SERPINB12: variants seen among roughly 807,000 people sequenced by gnomAD.
The protein encoded by SERPINB12 is serpin B12.
A neutral mutation model predicts 41.1 loss-of-function variants in SERPINB12; 57 were observed. The observed-to-expected ratio is 1.39, with a 90% CI of 1.12 to 1.73. SERPINB12 has a LOEUF of 1.73. Ranked by LOEUF, SERPINB12 falls within the 40% of genes most tolerant of loss-of-function variation. The pLI, the probability that SERPINB12 is intolerant of heterozygous loss-of-function variation, is 0.00. For missense variants in SERPINB12, 536 were observed against 501.9 expected, an observed-to-expected ratio of 1.07 and a Z score of -0.65; for synonymous variants, 180 against 181.3, an observed-to-expected ratio of 0.99 and a Z score of 0.06.
the SERPINB12 span, among the ~76,000 whole-genome samples, chr18:63,526,539 T>G: frequency 6.6e-6 from 1 of 152,228 alleles, no homozygotes; most frequent in East Asian, 1.9e-4. Context: ...AATCATGACA[T>G]TAACTGTTTT....
At chr18:63,530,746 G>T in the SERPINB12 span, among the ~76,000 whole-genome samples, 1 of 152,122 alleles carries the variant, frequency 6.6e-6, no homozygotes, top group African/African-American at 2.4e-5. Flanking sequence ...GGATTTATAG[G>T]TGATAAGTAC....
chr18:63,553,664 C>T (rs539751324), intron 1 of SERPINB12, among the ~76,000 whole-genome samples: 32 of 152,274 alleles, frequency 2.1e-4, no homozygotes, highest in African/African-American at 7.5e-4. Flanking sequence ...TTTGATCAAA[C>T]ATTAACCTAA....
chr18:63,536,178 C>G, the SERPINB12 span, among the ~76,000 whole-genome samples: 9 of 151,758 alleles, frequency 5.9e-5, no homozygotes, highest in East Asian at 1.7e-3. Flanking sequence ...AAAAAAGAAA[C>G]AGTTCTTTCA....
chr18:63,559,602 G>T lies in SERPINB12; in HGVS notation c.328G>T (p.Gly110Ter), dbSNP rs138993761. ...QQAGSLNNES[G>*]LVSCYFGQLL... The stretch of plus-strand genomic sequence containing the variant: ...GGCTGGGTCCTTAAACAATGAGAGC[G>T]GACTGGTCAGCTGCTACTTTGGGCA... The change falls in exon 4 of 8, where the codon GGA (glycine) becomes TGA (stop). Residue 110 changes from glycine (G) to a stop codon, truncating the protein, a stop_gained. Transcript: ENST00000382768. LOFTEE classifies it high-confidence loss of function. 6 of 1,614,046 alleles carry T rather than the reference G, an allele frequency of 3.7e-6. No individual in the cohort carries two copies. Among genetic ancestry groups the T allele is most frequent in the East Asian group, 2.2e-5 (1 of 44,870 alleles).
At chr18:63,536,484 G>C in the SERPINB12 span, among the ~76,000 whole-genome samples, 1 of 152,082 alleles carries the variant, frequency 6.6e-6, no homozygotes, top group Non-Finnish European at 1.5e-5. Context: ...AATAAAACAA[G>C]GTGATTCCAC....
chr18:63,561,745 T>G (rs572752021), intron 5 of SERPINB12, among the ~76,000 whole-genome samples: 1 of 152,158 alleles, frequency 6.6e-6, no homozygotes, highest in Non-Finnish European at 1.5e-5. Context: ...TGCAGTAACA[T>G]GATGGAAATG....
the SERPINB12 span, among the ~76,000 whole-genome samples, chr18:63,528,379 TAA>T: frequency 2.2e-5 from 3 of 139,118 alleles, no homozygotes; most frequent in Admixed American, 1.5e-4. Flanking sequence ...TTTCATTTCT[TAA>T]TCTCTGAGAG....
the SERPINB12 span, among the ~76,000 whole-genome samples, chr18:63,523,065 CAGGGTCCTCTGGAACATCCCA>C: frequency 6.6e-6 from 1 of 151,694 alleles, no homozygotes; most frequent in African/African-American, 2.4e-5. Context: ...TGAGATGTTC[CAGGGTCCTCTGGAACATCCCA>C]AAGTTAGTTT....
chr18:63,559,224 C>T (rs757306441), intron 3 of SERPINB12, among the ~76,000 whole-genome samples: 2 of 151,860 alleles, frequency 1.3e-5, no homozygotes, highest in African/African-American at 2.4e-5. Flanking sequence ...CCTGCCTCAG[C>T]CTCCAGAGTA....
At chr18:63,534,576 G>A in the SERPINB12 span, among the ~76,000 whole-genome samples, 1 of 152,108 alleles carries the variant, frequency 6.6e-6, no homozygotes. Flanking sequence ...TTAATCTAGT[G>A]GAACGTGGAA....
chr18:63,551,937 C>G (rs558604885), intron 1 of SERPINB12, among the ~76,000 whole-genome samples: 1 of 152,300 alleles, frequency 6.6e-6, no homozygotes, highest in African/African-American at 2.4e-5. Context: ...GAGGCAATCA[C>G]TGAGACAAGT....
At chr18:63,532,502 A>G in the SERPINB12 span, among the ~76,000 whole-genome samples, 5 of 152,148 alleles carry the variant, frequency 3.3e-5, no homozygotes, top group African/African-American at 1.2e-4. Flanking sequence ...CTGATTAAGG[A>G]AGTGGGTATT....
chr18:63,565,614 T>C lies in SERPINB12; in HGVS notation c.873+2T>C, dbSNP rs140350508. 7 of 1,606,184 alleles carry C rather than the reference T, an allele frequency of 4.4e-6. No individual in the cohort carries two copies. In the African/African-American group the frequency reaches 8.1e-5, roughly 19 times the overall value. ...GATAACCTGAAGGGTCTGGAAGAGG[T>C]AAATCTTCATTTCCACATCTCTACA... On this transcript the variant is annotated splice_donor_variant, in intron 7 of 7. Coordinates refer to ENST00000382768, the MANE Select transcript of SERPINB12 (RefSeq NM_001307928.2). LOFTEE classifies it high-confidence loss of function.
chr18:63,529,425 G>T, the SERPINB12 span, among the ~76,000 whole-genome samples: 2 of 152,160 alleles, frequency 1.3e-5, no homozygotes, highest in African/African-American at 4.8e-5. Context: ...TTGTTATCAG[G>T]CATATGTGTG....
the SERPINB12 span, among the ~76,000 whole-genome samples, chr18:63,534,607 T>C: frequency 6.6e-6 from 1 of 151,764 alleles, no homozygotes; most frequent in Non-Finnish European, 1.5e-5. Flanking sequence ...ATTCACAAAC[T>C]TTTTTTTCTT....
chr18:63,562,051 A>G (rs77425796), intron 5 of SERPINB12, among the ~76,000 whole-genome samples: 3,859 of 152,290 alleles, frequency 0.025, 172 homozygotes, highest in African/African-American at 0.088. Context: ...CATGGTCTGA[A>G]CAGCATCAAA....
chr18:63,519,629 A>G, the SERPINB12 span, among the ~76,000 whole-genome samples: 1 of 152,124 alleles, frequency 6.6e-6, no homozygotes, highest in Non-Finnish European at 1.5e-5. Flanking sequence ...GTTGAAAATC[A>G]TGAGCCTCTT....
the SERPINB12 span, among the ~76,000 whole-genome samples, chr18:63,536,434 T>C: frequency 1.3e-5 from 2 of 152,100 alleles, no homozygotes; most frequent in Non-Finnish European, 2.9e-5. Context: ...TGCCAATGAA[T>C]ATGATTAGAT....
At chr18:63,547,496 T>A (rs1910415333) in intron 1 of SERPINB12, among the ~76,000 whole-genome samples, 1 of 152,174 alleles carries the variant, frequency 6.6e-6, no homozygotes, top group Non-Finnish European at 1.5e-5. Flanking sequence ...ATAGCATCTA[T>A]TTGTGTAAAG....
Sources: gnomAD v4.1 joint callset for allele counts (sites outside exome capture counted in the v4.1 genomes callset) on GRCh38, gnomAD v4.1.1 for gene constraint, MANE v1.5 for transcripts, NCBI Gene and HGNC (gene_info 2026-07-23, HGNC 2026-07-21) for gene names.